PCDHA1: variants seen among roughly 807,000 people sequenced by gnomAD.
PCDHA1 encodes the protein protocadherin alpha 1.
PCDHA1 carries 42 observed loss-of-function variants against 61.3 expected under a neutral mutation model. The observed-to-expected ratio is 0.69, with a 90% CI of 0.54 to 0.89. PCDHA1 has a LOEUF of 0.89. PCDHA1 is among the 40% of genes least tolerant of loss of function. The pLI, the probability that PCDHA1 is intolerant of heterozygous loss-of-function variation, is 0.00. For synonymous variants in PCDHA1, 610 were observed against 553.8 expected, an observed-to-expected ratio of 1.10 and a Z score of -1.43; for missense variants, 1,256 against 1,235.3, an observed-to-expected ratio of 1.02 and a Z score of -0.25.
chr5:140,803,538 AT>A, intron 1 of PCDHA1: 1 of 1,614,216 alleles, frequency 6.2e-7, no homozygotes. Flanking sequence ...TCCTTGTCCA[AT>A]TAGCCGGGAT....
At chr5:140,965,994 T>C (rs1377339531) in intron 1 of PCDHA1, among the ~76,000 whole-genome samples, 1 of 152,130 alleles carries the variant, frequency 6.6e-6, no homozygotes, top group Non-Finnish European at 1.5e-5. Context: ...TCTGCAGTAC[T>C]TAAGAGTGTC....
At chr5:140,797,176 A>C (rs532139420) in intron 1 of PCDHA1, 1 of 1,614,082 alleles carries the variant, frequency 6.2e-7, no homozygotes, top group East Asian at 2.2e-5. Context: ...AGGAAAGCCC[A>C]CGCTGGTGTG....
At chr5:140,972,344 C>T (rs1379310170) in intron 1 of PCDHA1, among the ~76,000 whole-genome samples, 26 of 151,148 alleles carry the variant, frequency 1.7e-4, no homozygotes, top group African/African-American at 6.3e-4. Context: ...AGATGGGGGT[C>T]TCACTATGTT....
rs1554149682 is a variant in PCDHA1, at chr5:140,857,224, T to C, written c.2394+68540T>C. ...TCACCTGCTCTCTGACGCCTCACGT[T>C]CCGTTCAAGCTGGTGTCCACCTACA... On this transcript the variant is annotated intron_variant, in intron 1 of 3. Transcript: ENST00000504120. 4 of 1,598,426 alleles carry C rather than the reference T, an allele frequency of 2.5e-6. 1 individual carries two copies. Among genetic ancestry groups the C allele is most frequent in the Non-Finnish European group, 3.4e-6 (4 of 1,167,908 alleles).
chr5:140,926,199 G>C (rs541337659), intron 1 of PCDHA1, among the ~76,000 whole-genome samples: 1 of 151,790 alleles, frequency 6.6e-6, no homozygotes, highest in African/African-American at 2.4e-5. Context: ...CACTTCTTTC[G>C]GGGGGCTCCT....
chr5:140,808,798 T>G (rs2337987), intron 1 of PCDHA1: 868,108 of 1,612,488 alleles, frequency 0.54, 235,386 homozygotes, highest in African/African-American at 0.7. Flanking sequence ...AGGTGACCGC[T>G]CGCGATGCCG....
chr5:140,792,423 A>G (rs6891995), intron 1 of PCDHA1, among the ~76,000 whole-genome samples: 78,420 of 151,958 alleles, frequency 0.52, 20,430 homozygotes, highest in Middle Eastern at 0.64. Flanking sequence ...CTTTTGGGGT[A>G]TCTTTGACCC....
intron 1 of PCDHA1, among the ~76,000 whole-genome samples, chr5:140,793,499 T>G (rs1761784289): frequency 6.6e-6 from 1 of 152,226 alleles, no homozygotes; most frequent in Non-Finnish European, 1.5e-5. Context: ...AAAAGCTAGC[T>G]TTTCTTAACA....
chr5:140,975,126 A>G (rs1334807357), intron 1 of PCDHA1, among the ~76,000 whole-genome samples: 6 of 152,074 alleles, frequency 3.9e-5, no homozygotes, highest in Admixed American at 2.6e-4. Flanking sequence ...CCTACTTACT[A>G]TTGGCCTGGG....
At chr5:140,818,724 G>C (rs1554127561) in intron 1 of PCDHA1, among the ~76,000 whole-genome samples, 1 of 152,190 alleles carries the variant, frequency 6.6e-6, no homozygotes, top group Non-Finnish European at 1.5e-5. Context: ...TGTGGTCCCA[G>C]CTACTTGGGA....
At chr5:140,942,900 GA>G (rs1383279314) in intron 1 of PCDHA1, among the ~76,000 whole-genome samples, 1 of 151,718 alleles carries the variant, frequency 6.6e-6, no homozygotes, top group Non-Finnish European at 1.5e-5. Context: ...TTATCTCTAA[GA>G]ATAAGCGTGA....
At chr5:140,923,287 A>G (rs1554201330) in intron 1 of PCDHA1, among the ~76,000 whole-genome samples, 1 of 152,224 alleles carries the variant, frequency 6.6e-6, no homozygotes, top group Non-Finnish European at 1.5e-5. Context: ...AAAAATTAAA[A>G]ATTAGCTGGG....
intron 2 of PCDHA1, among the ~76,000 whole-genome samples, chr5:140,982,016 A>C (rs2096962660): frequency 6.6e-6 from 1 of 152,260 alleles, no homozygotes; most frequent in African/African-American, 2.4e-5. Context: ...TTAGATAGCC[A>C]AATTGGAACA....
chr5:140,960,628 T>C (rs1474502656), intron 1 of PCDHA1, among the ~76,000 whole-genome samples: 1 of 152,192 alleles, frequency 6.6e-6, no homozygotes, highest in Non-Finnish European at 1.5e-5. Context: ...TTTTGAAATA[T>C]ATTTTTAAAA....
intron 1 of PCDHA1, chr5:140,870,717 T>G: frequency 6.2e-7 from 1 of 1,613,180 alleles, no homozygotes. Flanking sequence ...GCGCGCGCGA[T>G]GCGGGCGTGC....
rs1276562311 is a variant in PCDHA1, at chr5:140,851,314, C to T, written c.2394+62630C>T. ...AGCAAAAATATATAGCAATTGTTAC[C>T]TTGTTAAGTTTGTAGTTCTCTACAT... On this transcript the variant is annotated intron_variant, in intron 1 of 3. Transcript: ENST00000504120. The T allele has an allele frequency of 2.6e-5, 26 of 997,988 alleles. 4 individuals carry two copies. Among genetic ancestry groups the T allele is most frequent in the Non-Finnish European group, 2.6e-5 (21 of 813,766 alleles). The allele number at this position is 997,988 out of a possible 1,614,324, so 61.8% of individuals were successfully genotyped here.
intron 1 of PCDHA1, among the ~76,000 whole-genome samples, chr5:140,792,214 C>A (rs1343798888): frequency 6.6e-6 from 1 of 152,064 alleles, no homozygotes; most frequent in Non-Finnish European, 1.5e-5. Flanking sequence ...CCAGTTCCTG[C>A]CTCTGTCTTC....
At chr5:140,931,881 T>C (rs2087825880) in intron 1 of PCDHA1, among the ~76,000 whole-genome samples, 1 of 152,002 alleles carries the variant, frequency 6.6e-6, no homozygotes, top group African/African-American at 2.4e-5. Flanking sequence ...TTTATTGCTT[T>C]CATTTTATTT....
intron 1 of PCDHA1, chr5:140,857,033 A>G (rs1303154996): frequency 4.4e-6 from 7 of 1,595,572 alleles, no homozygotes; most frequent in South Asian, 1.1e-5. Flanking sequence ...AAACCCACCT[A>G]TGGTTGGTCA....
Sources: allele counts gnomAD v4.1 joint callset (sites outside exome capture counted in the v4.1 genomes callset), GRCh38; gene constraint gnomAD v4.1.1; transcripts MANE v1.5; gene names NCBI Gene and HGNC (gene_info 2026-07-23, HGNC 2026-07-21).